Variants in EIF3J observed in about 807,000 individuals in gnomAD.
EIF3J encodes the protein eukaryotic translation initiation factor 3 subunit J, also known as eukaryotic translation initiation factor 3, subunit 1 (alpha, 35kD).
In EIF3J, 15 loss-of-function variants were observed where a neutral mutation model predicts 39.0. The observed-to-expected ratio is 0.38, with a 90% CI of 0.26 to 0.59. The LOEUF (loss-of-function observed/expected upper bound fraction) is 0.59, where lower values mean the gene tolerates loss of function less well. Among genes scored for constraint, EIF3J ranks in the 20% least tolerant of loss-of-function variants. EIF3J has a pLI of 0.60. For synonymous variants in EIF3J, 98 were observed against 112.9 expected (o/e 0.87, Z 0.84); for missense variants, 226 against 308.6 (o/e 0.73, Z 2.00).
At chr15:44,551,813 T>C (rs1461582697) in intron 4 of EIF3J, among the ~76,000 whole-genome samples, 2 of 151,846 alleles carry the variant, frequency 1.3e-5, no homozygotes, top group African/African-American at 2.4e-5. Flanking sequence ...GTCAGCAGTA[T>C]TAGTTTTTGT....
chr15:44,556,616 C>T (rs947002935), intron 5 of EIF3J, among the ~76,000 whole-genome samples: 7 of 152,088 alleles, frequency 4.6e-5, no homozygotes, highest in Non-Finnish European at 8.8e-5. Context: ...AAGTGATTCT[C>T]GTGCCTCAGC....
rs561326922 is a variant in EIF3J, at chr15:44,552,611, C to T, written c.294+1089C>T. On this transcript the variant is annotated intron_variant, in intron 4 of 7. Coordinates refer to ENST00000261868, the MANE Select transcript of EIF3J (RefSeq NM_003758.4). ...TGGAGTTTCACTCTAGTCGCCCAGG[C>T]GGGAGTGCAATGGCGTGATCTTGGC... Among the ~76,000 whole-genome samples the T allele has an allele frequency of 5.9e-5, 9 of 151,802 alleles. No homozygotes were observed. The East Asian group carries it at 1.6e-3, about 26-fold the overall frequency.
Position 44,560,279 on chromosome 15 carries a change from A to G in EIF3J, c.602A>G (p.Asn201Ser). 5 of 1,610,358 alleles carry G rather than the reference A, an allele frequency of 3.1e-6. No individual in the cohort carries two copies. The highest frequency in any genetic ancestry group is 1.3e-5 in the African/African-American group (1 of 74,880). Residue 201 changes from asparagine to serine, a missense_variant, in exon 7 of 8, where the codon AAT (asparagine) becomes AGT (serine). This residue lies in a region of EIF3J where 83 missense variants were observed against 152.6 expected (regional missense o/e 0.54). Coordinates refer to ENST00000261868, the MANE Select transcript of EIF3J (RefSeq NM_003758.4). ...LEIDDLKKIT[N>S]SLTVLCSEKQ... ...ATTGATGACTTGAAAAAAATTACCA[A>G]TTCACTGACTGTGCTTTGCAGTGAA...
chr15:44,556,742 C>T (rs1231210085), intron 5 of EIF3J, among the ~76,000 whole-genome samples: 1 of 152,104 alleles, frequency 6.6e-6, no homozygotes, highest in Non-Finnish European at 1.5e-5. Flanking sequence ...GGACTCCTGA[C>T]CTCAGGTGAT....
At chr15:44,547,440 CT>C (rs986408245) in intron 2 of EIF3J, among the ~76,000 whole-genome samples, 4,990 of 92,432 alleles carry the variant, frequency 0.054, 39 homozygotes, top group African/African-American at 0.12. Flanking sequence ...GGCCTTGATT[CT>C]TTTTTTTTTT....
chr15:44,548,522 T>G (rs2082072567), intron 2 of EIF3J, among the ~76,000 whole-genome samples: 1 of 152,096 alleles, frequency 6.6e-6, no homozygotes, highest in Non-Finnish European at 1.5e-5. Context: ...ATATGAAAAT[T>G]TAGTATATGG....
At chr15:44,550,784 C>A in intron 2 of EIF3J, 92 bp from the exon 3 acceptor site, 3 of 901,768 alleles carry the variant, frequency 3.3e-6, no homozygotes, top group Non-Finnish European at 3.5e-6. Flanking sequence ...AAAATACCAA[C>A]AAACATTTCT....
At chr15:44,542,696 G>C (rs2082022786) in intron 2 of EIF3J, among the ~76,000 whole-genome samples, 1 of 152,218 alleles carries the variant, frequency 6.6e-6, no homozygotes. Context: ...AAGTTAAAAA[G>C]CAGCCATCTC....
At chr15:44,551,335 G>T (rs1165022778) in intron 3 of EIF3J, 96 bp from the exon 4 acceptor site, 2 of 785,220 alleles carry the variant, frequency 2.5e-6, no homozygotes, top group Admixed American at 5.5e-5. Context: ...GCTGGGAAAG[G>T]TTTGGTCTCT....
rs77942286 is a variant in EIF3J at position 44,539,732 on chromosome 15, C to CTT, written c.147+2322_147+2323dup. ...CTGTTTTAGTGCTAAATTTCTTTTT[C>CTT]TTTTTTTTTTTTTTTTTTAACTTAA... On this transcript the variant is annotated intron_variant, in intron 2 of 7. Coordinates refer to ENST00000261868, the MANE Select transcript of EIF3J (RefSeq NM_003758.4). Among the ~76,000 whole-genome samples, 1,147 of 129,204 alleles carry CTT rather than the reference C, an allele frequency of 8.9e-3. 27 individuals carry two copies. Among genetic ancestry groups the CTT allele is most frequent in the African/African-American group, 0.031 (1,095 of 35,394 alleles). The allele number at this position is 129,204 out of a possible 152,430, so 84.8% of individuals were successfully genotyped here.
At chr15:44,542,156 AT>A (rs2082019266) in intron 2 of EIF3J, among the ~76,000 whole-genome samples, 1 of 152,182 alleles carries the variant, frequency 6.6e-6, no homozygotes, top group Non-Finnish European at 1.5e-5. Context: ...ATGAAGTAGA[AT>A]TTACTAAGGC....
At chr15:44,560,163 G>T in intron 6 of EIF3J, 86 bp from the exon 7 acceptor site, 1 of 1,006,704 alleles carries the variant, frequency 9.9e-7, no homozygotes, top group Admixed American at 2.6e-5. Flanking sequence ...GGGATATATA[G>T]ATATATATGG....
At chr15:44,548,497 A>G (rs181127317) in intron 2 of EIF3J, among the ~76,000 whole-genome samples, 1 of 152,330 alleles carries the variant, frequency 6.6e-6, no homozygotes, top group African/African-American at 2.4e-5. Context: ...AAAAGCCCAG[A>G]AATAGACCAA....
Position 44,558,832 on chromosome 15 carries a change from T to G in EIF3J, c.571+1182T>G, listed in dbSNP as rs192787944. The G allele has an allele frequency of 3.3e-5, 5 of 152,326 alleles. No homozygotes were observed. In the East Asian group the frequency reaches 7.7e-4, roughly 24 times the overall value. The allele number at this position is 152,326 out of a possible 1,614,324, so 9.4% of individuals were successfully genotyped here. On this transcript the variant is annotated intron_variant, in intron 6 of 7. Coordinates refer to ENST00000261868, the MANE Select transcript of EIF3J (RefSeq NM_003758.4). The stretch of plus-strand genomic sequence containing the variant: ...ATCACTAAGCTGAGGGTTCTACATT[T>G]GATTGGTAATGTGCCCAGAGTTGAT...
intron 5 of EIF3J, among the ~76,000 whole-genome samples, chr15:44,557,245 T>C (rs1595807410): frequency 1.3e-5 from 2 of 152,208 alleles, no homozygotes; most frequent in South Asian, 4.1e-4. Flanking sequence ...TGCCAGTCAA[T>C]TGAAACTGAA....
At chr15:44,543,951 TA>T (rs1466261669) in intron 2 of EIF3J, among the ~76,000 whole-genome samples, 1 of 152,094 alleles carries the variant, frequency 6.6e-6, no homozygotes, top group Non-Finnish European at 1.5e-5. Flanking sequence ...CAACATTAAA[TA>T]AAAATGCTCC....
chr15:44,537,166 C>G lies in EIF3J; in HGVS notation c.-29C>G, dbSNP rs778251606. ...CGTGCTAACTCCTCGCTAGCTCTCC[C>G]TCTCACACACGCTCACACCCGGCTC... On this transcript the variant is annotated 5_prime_UTR_variant, in exon 1 of 8. Transcript: ENST00000261868. The G allele has an allele frequency of 2.5e-6, 4 of 1,613,014 alleles. No homozygotes were observed. In the Admixed American group the frequency reaches 5.0e-5, roughly 20 times the overall value.
At chr15:44,545,144 G>C (rs1169119543) in intron 2 of EIF3J, among the ~76,000 whole-genome samples, 1 of 152,132 alleles carries the variant, frequency 6.6e-6, no homozygotes, top group East Asian at 1.9e-4. Context: ...TCCCAGGAGA[G>C]GGACTTAGTT....
rs1324974701 is a variant in EIF3J at position 44,537,327 on chromosome 15, C to T, written c.47C>T (p.Ala16Val). 1.3e-6 allele frequency: 2 copies of T among 1,562,734 alleles called. No individual in the cohort carries two copies. The highest frequency in any genetic ancestry group is 1.7e-6 in the Non-Finnish European group (2 of 1,153,914). ...AAAGDSDSWD[A>V]DAFSVEDPVR... is the part of the protein sequence containing the mutation. ...CACGGCTCGCTTTCTTCCGTAGACG[C>T]CGACGCTTTCTCCGTGGAAGACCCA... The change falls in exon 2 of 8, where the codon GCC (alanine) becomes GTC (valine). Residue 16 changes from alanine (A) to valine (V), a missense_variant. By Grantham distance (64) the Ala-to-Val change is moderately conservative. This residue lies in a region of EIF3J where 143 missense variants were observed against 156.0 expected (regional missense o/e 0.92). Transcript: ENST00000261868.
Sources: gnomAD v4.1 joint callset for allele counts (sites outside exome capture counted in the v4.1 genomes callset) on GRCh38, gnomAD v4.1.1 for gene constraint, gnomAD v4.1.1 regional missense constraint, MANE v1.5 for transcripts, NCBI Gene and HGNC (gene_info 2026-07-23, HGNC 2026-07-21) for gene names.